Variants in PAPPA2 observed in about 807,000 individuals in gnomAD.
PAPPA2 encodes the protein pappalysin 2, also known as pappalysin-2.
PAPPA2 carries 86 observed loss-of-function variants against 176.4 expected under a neutral mutation model. The ratio of observed to expected loss-of-function variants is 0.49; its 90% CI spans 0.41 to 0.58. The LOEUF is 0.58. Among genes scored for constraint, PAPPA2 ranks in the 20% least tolerant of loss-of-function variants. The probability of loss-of-function intolerance (pLI) is 0.00; values close to 1 mark genes in which losing one functional copy is unlikely to be tolerated. For synonymous variants in PAPPA2, 809 were observed against 852.2 expected (o/e 0.95, Z 0.88); for missense variants, 2,073 against 2,256.9 (o/e 0.92, Z 1.65).
rs183535222 is a variant in PAPPA2 at position 176,783,353 on chromosome 1, C to G, written c.4716-6456C>G. Among the ~76,000 whole-genome samples, 105 of 152,284 alleles carry G rather than the reference C, an allele frequency of 6.9e-4. No homozygotes were observed. The Middle Eastern group carries it at 0.01, about 15-fold the overall frequency. On this transcript the variant is annotated intron_variant, in intron 17 of 22. Coordinates refer to ENST00000367662, the MANE Select transcript of PAPPA2 (RefSeq NM_020318.3). ...ACTCAACAAATCATACTTTTATTTT[C>G]ACAAATGGAAAATAAATGTTACTCT... is the stretch of plus-strand genomic sequence containing the variant.
At chr1:176,627,698 G>C (rs868308093) in intron 3 of PAPPA2, among the ~76,000 whole-genome samples, 2 of 152,170 alleles carry the variant, frequency 1.3e-5, no homozygotes, top group Admixed American at 1.3e-4. Context: ...AAATCAGTCT[G>C]TCTAGGGAAG....
chr1:176,731,716 C>CATATATGTGT (rs1558548857), intron 12 of PAPPA2, among the ~76,000 whole-genome samples: 9 of 143,568 alleles, frequency 6.3e-5, no homozygotes, highest in African/African-American at 1.0e-4. Flanking sequence ...TGTATATATA[C>CATATATGTGT]ACACATATAT....
chr1:176,820,438 C>T (rs775869525), intron 21 of PAPPA2, among the ~76,000 whole-genome samples: 13 of 152,106 alleles, frequency 8.5e-5, no homozygotes, highest in Non-Finnish European at 1.6e-4. Flanking sequence ...GGTGAGAGGC[C>T]GCCACTGAGG....
chr1:176,742,253 A>G (rs184818624), intron 14 of PAPPA2, among the ~76,000 whole-genome samples: 16 of 152,262 alleles, frequency 1.1e-4, no homozygotes, highest in Non-Finnish European at 1.9e-4. Flanking sequence ...ACTGTTTTGG[A>G]TGACAGTTGC....
At chr1:176,759,109 T>C (rs1410016372) in intron 14 of PAPPA2, among the ~76,000 whole-genome samples, 1 of 152,234 alleles carries the variant, frequency 6.6e-6, no homozygotes, top group East Asian at 1.9e-4. Flanking sequence ...CCAGTTTCTC[T>C]TAAGCAAAGC....
chr1:176,703,967 G>T, intron 9 of PAPPA2, among the ~76,000 whole-genome samples: 1 of 108,524 alleles, frequency 9.2e-6, no homozygotes, highest in Non-Finnish European at 1.9e-5. Flanking sequence ...TAAACCTGAA[G>T]CCCTCCAGTT....
rs1276071741 is a variant in PAPPA2, at chr1:176,594,941, G to A, written c.1337G>A (p.Ser446Asn). 6.2e-7 allele frequency: 1 copy of A among 1,614,246 alleles called. No homozygotes were observed. Among genetic ancestry groups the A allele is most frequent in the African/African-American group, 1.3e-5 (1 of 75,060 alleles). The change falls in exon 3 of 23, where the codon AGT (serine) becomes AAT (asparagine). Residue 446 changes from serine (S) to asparagine (N), a missense_variant. This residue lies in a region of PAPPA2 where 1,196 missense variants were observed against 1,330.4 expected (regional missense o/e 0.90). Transcript: ENST00000367662. ...SHFQHSSQHS[S>N]GEEEATDLVL... is the part of the protein sequence containing the mutation. Reference sequence around the variant, plus strand: ...TTTCAGCACAGTTCTCAGCATTCAAGTGGGGAGGAGGAAGCGACTGACTTG... The same window carrying A: ...TTTCAGCACAGTTCTCAGCATTCAAATGGGGAGGAGGAAGCGACTGACTTG...
In PAPPA2 at chr1:176,711,950, G is replaced by T. The variant is rs369131826; in HGVS notation, c.3767G>T (p.Ser1256Ile). The part of the protein sequence containing the change: ...QDDRSEQPEG[S>I]LKKEDEVWLK... ...GACAGGAGTGAACAGCCAGAAGGTAGCCTGAAGAAAGAGGATGAGGTTTGG... is the reference window on the plus strand; with the variant it reads ...GACAGGAGTGAACAGCCAGAAGGTATCCTGAAGAAAGAGGATGAGGTTTGG... The change falls in exon 12 of 23, where the codon AGC (serine) becomes ATC (isoleucine). Residue 1256 changes from serine (S) to isoleucine (I), a missense_variant. Physicochemically the swap from Ser to Ile is moderately radical, Grantham distance 142 (BLOSUM62 -2). Transcript: ENST00000367662. The T allele has an allele frequency of 6.2e-7, 1 of 1,613,456 alleles. No individual in the cohort carries two copies.
intron 1 of PAPPA2, among the ~76,000 whole-genome samples, chr1:176,519,824 T>C (rs922915472): frequency 1.3e-5 from 2 of 152,188 alleles, no homozygotes; most frequent in African/African-American, 4.8e-5. Context: ...ACAGTGAAGT[T>C]GAAAGTTGGT....
At chr1:176,500,647 C>G (rs1360023746) in intron 1 of PAPPA2, among the ~76,000 whole-genome samples, 1 of 151,852 alleles carries the variant, frequency 6.6e-6, no homozygotes, top group Admixed American at 6.6e-5. Flanking sequence ...TCTTTTTGAA[C>G]AGTAACATGA....
intron 14 of PAPPA2, among the ~76,000 whole-genome samples, chr1:176,754,017 GTTT>G (rs143392724): frequency 7.3e-6 from 1 of 136,662 alleles, no homozygotes; most frequent in Admixed American, 7.4e-5. Flanking sequence ...CTTTTCAACT[GTTT>G]TTTTTTTTTT....
At chr1:176,720,909 C>T (rs1475068682) in intron 12 of PAPPA2, among the ~76,000 whole-genome samples, 1 of 152,046 alleles carries the variant, frequency 6.6e-6, no homozygotes, top group Non-Finnish European at 1.5e-5. Flanking sequence ...GTTCTGATGC[C>T]CAAGGGGAAA....
chr1:176,588,419 T>C (rs1412896337), intron 2 of PAPPA2, among the ~76,000 whole-genome samples: 2 of 152,228 alleles, frequency 1.3e-5, no homozygotes, highest in Non-Finnish European at 2.9e-5. Context: ...TCTTGCCTGA[T>C]TGCCCTAGCC....
chr1:176,605,678 G>T (rs1654568687), intron 3 of PAPPA2, among the ~76,000 whole-genome samples: 1 of 152,144 alleles, frequency 6.6e-6, no homozygotes, highest in African/African-American at 2.4e-5. Context: ...GTGTCAACTG[G>T]CCTAACTCAT....
At position 176,791,372 on chromosome 1, in the gene PAPPA2, G is replaced by A. The variant is rs1197117233; in HGVS notation, c.4910G>A (p.Gly1637Asp). The A allele has an allele frequency of 6.2e-7, 1 of 1,610,846 alleles. No homozygotes were observed. Among genetic ancestry groups the A allele is most frequent in the Non-Finnish European group, 8.5e-7 (1 of 1,177,256 alleles). ...CTTCCCATCCTCTGCACTAAAGAGG[G>A]CCTGTGGACCCAGGAGTTTAAGTTG... ...EKLPILCTKE[G>D]LWTQEFKLCE... Residue 1637 changes from glycine (G) to aspartate (D), a missense_variant, in exon 19 of 23, where the codon GGC becomes GAC. Physicochemically the swap from Gly to Asp is moderately conservative, Grantham distance 94. Coordinates refer to ENST00000367662, the MANE Select transcript of PAPPA2 (RefSeq NM_020318.3).
intron 21 of PAPPA2, among the ~76,000 whole-genome samples, chr1:176,829,243 G>A (rs1265237807): frequency 6.6e-6 from 1 of 151,880 alleles, no homozygotes; most frequent in East Asian, 1.9e-4. Context: ...GAGAAAGAGA[G>A]GGAAGGATGG....
At chr1:176,601,247 C>A (rs1377329139) in intron 3 of PAPPA2, among the ~76,000 whole-genome samples, 1 of 152,190 alleles carries the variant, frequency 6.6e-6, no homozygotes, top group Non-Finnish European at 1.5e-5. Context: ...TCACTAGATG[C>A]AGGCCTCTCG....
chr1:176,482,069 CA>C (rs1047251755), intron 1 of PAPPA2, among the ~76,000 whole-genome samples: 1 of 152,184 alleles, frequency 6.6e-6, no homozygotes, highest in Admixed American at 6.5e-5. Flanking sequence ...AATACCAAAA[CA>C]AAGAGTTTTT....
chr1:176,664,066 C>T (rs1372110089), intron 3 of PAPPA2, among the ~76,000 whole-genome samples: 2 of 152,068 alleles, frequency 1.3e-5, no homozygotes, highest in African/African-American at 4.8e-5. Context: ...TCATTTGATA[C>T]CATCTTTTAA....
Sources: gnomAD v4.1 joint callset for allele counts (sites outside exome capture counted in the v4.1 genomes callset) on GRCh38, gnomAD v4.1.1 for gene constraint, gnomAD v4.1.1 regional missense constraint, MANE v1.5 for transcripts, NCBI Gene and HGNC (gene_info 2026-07-23, HGNC 2026-07-21) for gene names.